CEP295: variants seen among roughly 807,000 people sequenced by gnomAD.
CEP295 encodes centrosomal protein 295.
Under a neutral mutation model 291.6 loss-of-function variants are expected in CEP295, and 190 were observed. The observed-to-expected ratio is 0.65, with a 90% confidence interval of 0.58 to 0.73. The LOEUF (loss-of-function observed/expected upper bound fraction) is 0.73. Ranked by LOEUF, CEP295 falls within the 30% of genes least tolerant of loss-of-function variation. The probability of loss-of-function intolerance (pLI) is 0.00; values close to 1 mark genes in which losing one functional copy is unlikely to be tolerated. For synonymous variants in CEP295, 993 were observed against 1,038.8 expected, an observed-to-expected ratio of 0.96 and a Z score of 0.85; for missense variants, 2,863 against 2,949.4, an observed-to-expected ratio of 0.97 and a Z score of 0.68.
intron 5 of CEP295, among the ~76,000 whole-genome samples, chr11:93,672,554 C>T (rs1228281162): frequency 1.3e-5 from 2 of 152,104 alleles, no homozygotes; most frequent in African/African-American, 2.4e-5. Context: ...TCCTGAGTAG[C>T]TGTGACTACA....
At chr11:93,662,665 G>A (rs1413854654) in intron 1 of CEP295, among the ~76,000 whole-genome samples, 1 of 152,194 alleles carries the variant, frequency 6.6e-6, no homozygotes, top group East Asian at 1.9e-4. Context: ...AATTGTAGAA[G>A]GAATAATGGA....
In CEP295 at chr11:93,722,195, G is replaced by A. The variant is rs1015070715; in HGVS notation, c.5947+145G>A. ...TCTCACAAGTAAAGTATGGCCAGGC[G>A]TGGTGCCTCACGCCTGTAATCCCAG... On this transcript the variant is annotated intron_variant, in intron 20 of 29. Coordinates refer to ENST00000325212, the MANE Select transcript of CEP295 (RefSeq NM_033395.2). 35 of 628,804 alleles carry A rather than the reference G, an allele frequency of 5.6e-5. 1 individual carries two copies. The highest frequency in any genetic ancestry group is 1.4e-4 in the South Asian group (7 of 51,598). The allele number at this position is 628,804 out of a possible 1,614,324, so 39.0% of individuals were successfully genotyped here. A position where few individuals can be genotyped will look rare whatever the true frequency, so the allele number is the denominator to read the frequency against.
intron 5 of CEP295, 28 bp downstream of exon 5, chr11:93,669,798 G>T (rs1256032593): frequency 1.4e-6 from 2 of 1,383,400 alleles, no homozygotes; most frequent in East Asian, 2.5e-5. Flanking sequence ...GAGGAACTAG[G>T]TCATAATTCT....
rs1368206068 is a variant in CEP295, at chr11:93,693,021, T to TAATC, written c.1533+992_1533+995dup. Among the ~76,000 whole-genome samples the TAATC allele has an allele frequency of 2.3e-3, 334 of 147,112 alleles. 1 individual carries two copies. Among genetic ancestry groups the TAATC allele is most frequent in the Non-Finnish European group, 2.5e-3 (167 of 66,762 alleles). On this transcript the variant is annotated intron_variant, in intron 12 of 29. Coordinates refer to ENST00000325212, the MANE Select transcript of CEP295 (RefSeq NM_033395.2). ...GGCCGGGCCCGGTGGCTCACGCCTG[T>TAATC]AATCCCAGCACTTTGGGAGGCTGAG...
intron 18 of CEP295, among the ~76,000 whole-genome samples, chr11:93,707,392 T>C (rs974686232): frequency 6.6e-6 from 1 of 152,148 alleles, no homozygotes; most frequent in Non-Finnish European, 1.5e-5. Flanking sequence ...GCACAGGATA[T>C]TTTATATATA....
At chr11:93,663,259 C>T (rs1270976904) in intron 1 of CEP295, among the ~76,000 whole-genome samples, 1 of 152,206 alleles carries the variant, frequency 6.6e-6, no homozygotes, top group Non-Finnish European at 1.5e-5. Context: ...TCTTATACTG[C>T]ATGGCTGTCT....
Position 93,699,918 on chromosome 11 carries a change from G to T in CEP295, c.5006G>T (p.Cys1669Phe). 6.4e-7 allele frequency: 1 copy of T among 1,551,782 alleles called. No homozygotes were observed. Among genetic ancestry groups the T allele is most frequent in the East Asian group, 2.4e-5 (1 of 40,916 alleles). Residue 1669 changes from cysteine (C) to phenylalanine (F), a missense_variant, in exon 15 of 30, where the codon TGT becomes TTT. Around this residue, in one of 3 missense-constraint regions of CEP295, gnomAD observed 2,295 missense variants for 2,335.7 expected, o/e 0.98. Coordinates refer to ENST00000325212, the MANE Select transcript of CEP295 (RefSeq NM_033395.2). ...PFAEAKPKST[C>F]ELYSSQNEHA... ...GCAGAAGCTAAACCTAAAAGCACTTGTGAATTGTATTCATCCCAGAATGAA... is the reference window on the plus strand; with the variant it reads ...GCAGAAGCTAAACCTAAAAGCACTTTTGAATTGTATTCATCCCAGAATGAA...
rs1477499658 is a variant in CEP295, at chr11:93,691,916, C to T, written c.1430-11C>T. The T allele has an allele frequency of 3.3e-6, 5 of 1,498,016 alleles. No individual in the cohort carries two copies. In the Admixed American group the frequency reaches 8.2e-5, roughly 25 times the overall value. The allele number at this position is 1,498,016 out of a possible 1,614,324, so 92.8% of individuals were successfully genotyped here. A position where few individuals can be genotyped will look rare whatever the true frequency, so the allele number is the denominator to read the frequency against. ...TATTGAAACTAATTTTTGTTTGGGG[C>T]ATTCCCCTAGAAATAAATGAGACTC... On this transcript the variant is annotated splice_polypyrimidine_tract_variant and intron_variant, in intron 11 of 29. Transcript: ENST00000325212.
chr11:93,718,084 T>G (rs1953405717), intron 18 of CEP295, among the ~76,000 whole-genome samples: 1 of 152,156 alleles, frequency 6.6e-6, no homozygotes, highest in African/African-American at 2.4e-5. Context: ...GTTAATTTTT[T>G]AATTTTTGTA....
intron 5 of CEP295, among the ~76,000 whole-genome samples, chr11:93,675,178 T>A (rs1234996600): frequency 1.3e-5 from 2 of 152,178 alleles, no homozygotes; most frequent in Non-Finnish European, 1.5e-5. Context: ...AGAATTTTTG[T>A]GATTAGATAT....
intron 2 of CEP295, 143 bp from the exon 3 acceptor site, chr11:93,667,464 T>G: frequency 1.7e-6 from 1 of 595,052 alleles, no homozygotes; most frequent in Non-Finnish European, 2.9e-6. Flanking sequence ...CTGCTTTAAA[T>G]AGTCTTTATC....
chr11:93,687,974 C>A, intron 10 of CEP295, 109 bp downstream of exon 10: 1 of 659,034 alleles, frequency 1.5e-6, no homozygotes, highest in Non-Finnish European at 2.4e-6. Context: ...AAAACATAAT[C>A]CTGCTAATTA....
At chr11:93,719,065 G>GCCTCTGCACTCCAGCCTGGGTGACA (rs1330585534) in intron 18 of CEP295, among the ~76,000 whole-genome samples, 4 of 151,708 alleles carry the variant, frequency 2.6e-5, no homozygotes, top group African/African-American at 9.7e-5. Context: ...CCAAGATCGT[G>GCCTCTGCACTCCAGCCTGGGTGACA]CCTCTGCACT....
At chr11:93,712,054 G>A (rs1444505532) in intron 18 of CEP295, among the ~76,000 whole-genome samples, 7 of 151,906 alleles carry the variant, frequency 4.6e-5, no homozygotes, top group Admixed American at 4.6e-4. Context: ...GGGATGTTGA[G>A]GTCTCCAGCT....
intron 23 of CEP295, among the ~76,000 whole-genome samples, chr11:93,726,394 A>C (rs1230078584): frequency 1.3e-5 from 2 of 152,238 alleles, no homozygotes; most frequent in African/African-American, 4.8e-5. Context: ...TTGGCCTCCC[A>C]AAGTGCTGGG....
At position 93,729,737 on chromosome 11, in the gene CEP295, C is replaced by CTGAAAATTCTCAAATCAA; in HGVS notation, c.7524_7541dup (p.Ile2513_Lys2514insAsnGluAsnSerGlnIle). 6.5e-7 allele frequency: 1 copy of CTGAAAATTCTCAAATCAA among 1,549,596 alleles called. No individual in the cohort carries two copies. Among genetic ancestry groups the CTGAAAATTCTCAAATCAA allele is most frequent in the Non-Finnish European group, 8.7e-7 (1 of 1,145,654 alleles). On this transcript the variant is annotated inframe_insertion, in exon 27 of 30. Coordinates refer to ENST00000325212, the MANE Select transcript of CEP295 (RefSeq NM_033395.2). ...GAAATAAGGAATAAAATTCATGTCT[C>CTGAAAATTCTCAAATCAA]TGAAAATTCTCAAATCAAAACAGTT...
chr11:93,725,975 GAAGT>G (rs1462609164), intron 23 of CEP295, 144 bp downstream of exon 23: 2 of 635,046 alleles, frequency 3.1e-6, no homozygotes, highest in African/African-American at 3.7e-5. Flanking sequence ...TTAAATTACA[GAAGT>G]AATACATGCA....
rs1285340361 is a variant in CEP295 at position 93,728,766 on chromosome 11, T to A, written c.7247T>A (p.Phe2416Tyr). The part of the protein sequence containing the change: ...TTDTSIAEMD[F>Y]ANLTLEEKSE... ...GATACCAGTATTGCTGAAATGGATT[T>A]TGCAAATTTAACCCTAGAAGAGAAG... Residue 2416 changes from phenylalanine to tyrosine, a missense_variant, in exon 25 of 30, where the codon TTT (phenylalanine) becomes TAT (tyrosine). This residue lies in a region of CEP295 where 2,295 missense variants were observed against 2,335.7 expected (regional missense o/e 0.98). Transcript: ENST00000325212. 2.4e-5 allele frequency: 37 copies of A among 1,550,740 alleles called. No individual in the cohort carries two copies. The highest frequency in any genetic ancestry group is 3.1e-5 in the Non-Finnish European group (36 of 1,146,744).
intron 7 of CEP295, among the ~76,000 whole-genome samples, chr11:93,679,890 A>G (rs1950880588): frequency 6.6e-6 from 1 of 152,262 alleles, no homozygotes; most frequent in African/African-American, 2.4e-5. Context: ...GATTCAGTTC[A>G]TTAAATTTGT....
Sources: allele counts gnomAD v4.1 joint callset (sites outside exome capture counted in the v4.1 genomes callset), GRCh38; gene constraint gnomAD v4.1.1; regional missense constraint gnomAD v4.1.1; transcripts MANE v1.5; gene names NCBI Gene and HGNC (gene_info 2026-07-23, HGNC 2026-07-21).